Variants in DIAPH3 observed in about 807,000 individuals in gnomAD.
The protein encoded by DIAPH3 is protein diaphanous homolog 3.
A neutral mutation model predicts 144.3 loss-of-function variants in DIAPH3; 117 were observed. That is an observed-to-expected ratio of 0.81 (90% CI 0.70 to 0.95). DIAPH3 has a LOEUF of 0.95. Among genes scored for constraint, DIAPH3 ranks in the 40% least tolerant of loss-of-function variants. The pLI is 0.00. For missense variants in DIAPH3, 1,421 were observed against 1,412.7 expected, an observed-to-expected ratio of 1.01 and a Z score of -0.09; for synonymous variants, 519 against 488.9, an observed-to-expected ratio of 1.06 and a Z score of -0.81.
chr13:59,876,030 G>C (rs779036195), intron 21 of DIAPH3, among the ~76,000 whole-genome samples: 1 of 151,964 alleles, frequency 6.6e-6, no homozygotes, highest in African/African-American at 2.4e-5. Context: ...ATTCGTAAAG[G>C]GCATTTAAAA....
At chr13:59,712,505 A>G (rs985435324) in intron 27 of DIAPH3, among the ~76,000 whole-genome samples, 2 of 152,170 alleles carry the variant, frequency 1.3e-5, no homozygotes, top group African/African-American at 4.8e-5. Flanking sequence ...TCTGGATTAC[A>G]GCAATTCCCT....
chr13:60,030,873 C>A (rs918485148), intron 5 of DIAPH3, among the ~76,000 whole-genome samples: 1 of 152,272 alleles, frequency 6.6e-6, no homozygotes, highest in Admixed American at 6.5e-5. Context: ...CAGACATAGA[C>A]CATTTTTGTC....
chr13:59,801,328 G>C (rs1798069576), intron 25 of DIAPH3, among the ~76,000 whole-genome samples: 1 of 152,138 alleles, frequency 6.6e-6, no homozygotes, highest in African/African-American at 2.4e-5. Flanking sequence ...CAAACTAATT[G>C]CCACAGAATC....
chr13:60,144,943 A>T (rs1277682262), intron 1 of DIAPH3: 2 of 152,262 alleles, frequency 1.3e-5, no homozygotes, highest in African/African-American at 2.4e-5. Flanking sequence ...CCTTTAGACC[A>T]AATGGGCCTT....
At chr13:59,990,806 G>A (rs536924422) in intron 12 of DIAPH3, among the ~76,000 whole-genome samples, 223 of 152,062 alleles carry the variant, frequency 1.5e-3, no homozygotes, top group African/African-American at 4.1e-3. Context: ...GCAATGTTTA[G>A]TGCCCTTCAT....
chr13:59,909,358 G>A (rs1189960748), intron 20 of DIAPH3, among the ~76,000 whole-genome samples: 3 of 146,368 alleles, frequency 2.0e-5, no homozygotes, highest in Non-Finnish European at 4.5e-5. Context: ...TTTTTTTTTG[G>A]TTAATTATCA....
intron 20 of DIAPH3, among the ~76,000 whole-genome samples, chr13:59,909,992 T>C (rs1407770530): frequency 2.0e-5 from 3 of 152,224 alleles, no homozygotes; most frequent in Non-Finnish European, 4.4e-5. Flanking sequence ...TTGAGCAGTC[T>C]TCTTGAATCA....
chr13:60,077,977 A>G (rs141301631), intron 4 of DIAPH3, among the ~76,000 whole-genome samples: 17 of 152,246 alleles, frequency 1.1e-4, no homozygotes, highest in African/African-American at 4.1e-4. Flanking sequence ...AAATTACTAA[A>G]GTGACATTTG....
At chr13:59,988,340 T>A (rs2051568281) in intron 12 of DIAPH3, among the ~76,000 whole-genome samples, 1 of 151,888 alleles carries the variant, frequency 6.6e-6, no homozygotes, top group East Asian at 1.9e-4. Flanking sequence ...CATTTAAAAA[T>A]CTAGATGATG....
intron 27 of DIAPH3, among the ~76,000 whole-genome samples, chr13:59,753,329 G>A (rs190077963): frequency 2.0e-5 from 3 of 152,192 alleles, no homozygotes; most frequent in African/African-American, 7.2e-5. Flanking sequence ...GAGATCAAGA[G>A]TGTTTATAAA....
intron 4 of DIAPH3, 117 bp from the exon 5 acceptor site, chr13:60,042,937 G>A: frequency 1.7e-6 from 2 of 1,171,726 alleles, no homozygotes; most frequent in East Asian, 2.6e-5. Context: ...CACTATTTGG[G>A]CAAGGGTGGT....
chr13:59,688,657 T>C (rs1363204837), intron 27 of DIAPH3, among the ~76,000 whole-genome samples: 3 of 152,042 alleles, frequency 2.0e-5, no homozygotes, highest in Middle Eastern at 3.2e-3. Flanking sequence ...CAATAGAATT[T>C]TGGTGGAGTG....
intron 27 of DIAPH3, among the ~76,000 whole-genome samples, chr13:59,677,974 G>A (rs1431883049): frequency 6.6e-6 from 1 of 152,148 alleles, no homozygotes; most frequent in Non-Finnish European, 1.5e-5. Context: ...TAGGCATGGG[G>A]AGACTGGGTT....
intron 27 of DIAPH3, among the ~76,000 whole-genome samples, chr13:59,680,172 A>C (rs912595788): frequency 2.6e-4 from 39 of 152,196 alleles, no homozygotes; most frequent in African/African-American, 8.9e-4. Flanking sequence ...TTTAAGAAAC[A>C]CACACACCTA....
Position 59,688,766 on chromosome 13 carries a change from C to T in DIAPH3, c.3320-21920G>A, listed in dbSNP as rs146487695. 4.0e-4 allele frequency among the ~76,000 whole-genome samples: 61 copies of T among 152,070 alleles called. No individual in the cohort carries two copies. The East Asian group carries it at 0.011, about 28-fold the overall frequency. ...ATAGGATTAGATACATCAGAAACAA[C>T]TTGCAGGGAACTTTACGTAAAGGAA... is the stretch of plus-strand genomic sequence containing the variant. On this transcript the variant is annotated intron_variant, in intron 27 of 27. Coordinates refer to ENST00000400324, the MANE Select transcript of DIAPH3 (RefSeq NM_001042517.2).
At chr13:59,948,874 AAGGAAG>A in intron 17 of DIAPH3, among the ~76,000 whole-genome samples, 1 of 151,552 alleles carries the variant, frequency 6.6e-6, no homozygotes, top group Admixed American at 6.6e-5. Flanking sequence ...GGAAGGAAGG[AAGGAAG>A]GAAGGAAGGA....
At chr13:59,933,917 C>T (rs2048143096) in intron 17 of DIAPH3, among the ~76,000 whole-genome samples, 1 of 152,002 alleles carries the variant, frequency 6.6e-6, no homozygotes, top group Admixed American at 6.5e-5. Context: ...CTAAATTTTC[C>T]ATTTAAAAAT....
chr13:60,116,548 C>T (rs1467162337), intron 2 of DIAPH3, among the ~76,000 whole-genome samples: 1 of 151,892 alleles, frequency 6.6e-6, no homozygotes, highest in African/African-American at 2.4e-5. Flanking sequence ...ATATCAATTC[C>T]TAAGCACAGA....
At chr13:59,836,154 T>G (rs977146153) in intron 23 of DIAPH3, among the ~76,000 whole-genome samples, 4 of 151,786 alleles carry the variant, frequency 2.6e-5, no homozygotes, top group Admixed American at 6.6e-5. Flanking sequence ...GAAAGGCAAG[T>G]GCTCAGGCAA....
Sources: gnomAD v4.1 joint callset for allele counts (sites outside exome capture counted in the v4.1 genomes callset) on GRCh38, gnomAD v4.1.1 for gene constraint, MANE v1.5 for transcripts, NCBI Gene and HGNC (gene_info 2026-07-23, HGNC 2026-07-21) for gene names.